Variants in SLC25A26 observed in about 807,000 individuals in gnomAD.
SLC25A26 encodes solute carrier family 25 member 26, also known as mitochondrial S-adenosylmethionine carrier protein.
In SLC25A26, 36 loss-of-function variants were observed where a neutral mutation model predicts 37.8. The ratio of observed to expected loss-of-function variants is 0.95; its 90% CI spans 0.73 to 1.26. SLC25A26 has a LOEUF of 1.26. SLC25A26 is among the 50% of genes most tolerant of loss of function. The pLI is 0.00. For missense variants in SLC25A26, 390 were observed against 331.1 expected, an observed-to-expected ratio of 1.18 and a Z score of -1.38; for synonymous variants, 129 against 122.5, an observed-to-expected ratio of 1.05 and a Z score of -0.35.
intron 1 of SLC25A26, among the ~76,000 whole-genome samples, chr3:66,146,686 T>A (rs948260021): frequency 6.6e-6 from 1 of 152,180 alleles, no homozygotes; most frequent in East Asian, 1.9e-4. Flanking sequence ...CATTCAGGAT[T>A]TTTTTAAAAA....
At chr3:66,195,115 C>A (rs2071022981) in intron 1 of SLC25A26, among the ~76,000 whole-genome samples, 1 of 152,196 alleles carries the variant, frequency 6.6e-6, no homozygotes, top group African/African-American at 2.4e-5. Flanking sequence ...TGGCATAAGT[C>A]ACCTTCCCAC....
rs1273193545 is a variant in SLC25A26, at chr3:66,204,469, AAAG to A, written c.-353-16270_-353-16268del. ...AAAAGAAAAAAGAAAGAAAAAGAAA[AAAG>A]AAAATAATGAGAATGGCTATTTGAT... is the stretch of plus-strand genomic sequence containing the variant. On this transcript the variant is annotated intron_variant, in intron 1 of 10. Coordinates refer to the SLC25A26 transcript ENST00000676754. Among the ~76,000 whole-genome samples, 8 of 151,814 alleles carry A rather than the reference AAAG, an allele frequency of 5.3e-5. No individual in the cohort carries two copies. In the East Asian group the frequency reaches 9.6e-4, roughly 18 times the overall value.
intron 1 of SLC25A26, among the ~76,000 whole-genome samples, chr3:66,222,127 T>C (rs1444885927): frequency 6.6e-6 from 1 of 152,084 alleles, no homozygotes; most frequent in Non-Finnish European, 1.5e-5. Flanking sequence ...TAAATCTAGA[T>C]TTGTTGAAAC....
chr3:66,185,040 T>C (rs1053273624), intron 1 of SLC25A26, among the ~76,000 whole-genome samples: 1 of 152,226 alleles, frequency 6.6e-6, no homozygotes, highest in African/African-American at 2.4e-5. Context: ...ACATTCACGT[T>C]GTTGTGCAAC....
chr3:66,277,346 CAG>C (rs2074188227), intron 5 of SLC25A26, among the ~76,000 whole-genome samples: 1 of 151,858 alleles, frequency 6.6e-6, no homozygotes, highest in Non-Finnish European at 1.5e-5. Context: ...AGTGTCATAA[CAG>C]AAAGACAAAT....
chr3:66,297,635 C>T (rs1408800807), intron 5 of SLC25A26, among the ~76,000 whole-genome samples: 1 of 152,144 alleles, frequency 6.6e-6, no homozygotes, highest in Non-Finnish European at 1.5e-5. Flanking sequence ...GACCTGTGGG[C>T]CTAATCCAGA....
chr3:66,182,691 A>C (rs1258861997), intron 1 of SLC25A26, among the ~76,000 whole-genome samples: 1 of 110,762 alleles, frequency 9.0e-6, no homozygotes, highest in Non-Finnish European at 1.7e-5. Context: ...TGAGCCCAGC[A>C]TCGGCCTCAA....
At chr3:66,213,013 T>G (rs2071306559) in intron 1 of SLC25A26, among the ~76,000 whole-genome samples, 1 of 152,196 alleles carries the variant, frequency 6.6e-6, no homozygotes, top group Non-Finnish European at 1.5e-5. Flanking sequence ...CCTTTCCTTC[T>G]TTCCTTCTAT....
chr3:66,280,841 C>T (rs1287162809), intron 5 of SLC25A26, among the ~76,000 whole-genome samples: 2 of 152,070 alleles, frequency 1.3e-5, no homozygotes, highest in African/African-American at 4.8e-5. Context: ...GACAATTTGA[C>T]ACTTATCATT....
At chr3:66,164,909 G>A (rs1395396698) in intron 1 of SLC25A26, among the ~76,000 whole-genome samples, 1 of 152,170 alleles carries the variant, frequency 6.6e-6, no homozygotes, top group Non-Finnish European at 1.5e-5. Flanking sequence ...AGTGGGACAA[G>A]TGCGATGACA....
chr3:66,231,763 A>ATTTTT (rs377239684), intron 1 of SLC25A26, among the ~76,000 whole-genome samples: 1 of 137,910 alleles, frequency 7.3e-6, no homozygotes. Flanking sequence ...GGTTTACCTC[A>ATTTTT]TTTTTTTTTT....
At chr3:66,258,276 G>C (rs1264829176) in intron 3 of SLC25A26, among the ~76,000 whole-genome samples, 1 of 152,134 alleles carries the variant, frequency 6.6e-6, no homozygotes, top group Non-Finnish European at 1.5e-5. Flanking sequence ...TGTGTGATAG[G>C]GTGGTGCTGG....
intron 5 of SLC25A26, among the ~76,000 whole-genome samples, chr3:66,329,991 T>A (rs2107675867): frequency 6.6e-6 from 1 of 152,310 alleles, no homozygotes; most frequent in Admixed American, 6.5e-5. Context: ...ACAGAGAACC[T>A]CCTATGTGCC....
At chr3:66,161,204 T>A (rs2070353777) in intron 1 of SLC25A26, among the ~76,000 whole-genome samples, 1 of 152,188 alleles carries the variant, frequency 6.6e-6, no homozygotes, top group Non-Finnish European at 1.5e-5. Flanking sequence ...GACTTGTTTC[T>A]TGAAACTGTC....
Position 66,377,869 on chromosome 3 carries a change from C to A in SLC25A26, c.*62C>A. ...AGGGGCCTGCAGTGCAAACCCTCTTCCGCTGAGCAGCTGTCTGAACTATAG... is the reference window on the plus strand; with the variant it reads ...AGGGGCCTGCAGTGCAAACCCTCTTACGCTGAGCAGCTGTCTGAACTATAG... On this transcript the variant is annotated 3_prime_UTR_variant, in exon 10 of 10. Transcript: ENST00000354883. 2 of 1,236,342 alleles carry A rather than the reference C, an allele frequency of 1.6e-6. No individual in the cohort carries two copies. Among genetic ancestry groups the A allele is most frequent in the South Asian group, 1.2e-5 (1 of 82,814 alleles). The allele number at this position is 1,236,342 out of a possible 1,614,324, so 76.6% of individuals were successfully genotyped here.
chr3:66,331,547 T>C (rs1361561493), intron 5 of SLC25A26, among the ~76,000 whole-genome samples: 1 of 152,230 alleles, frequency 6.6e-6, no homozygotes, highest in Non-Finnish European at 1.5e-5. Flanking sequence ...TTTAATGGAA[T>C]AATTTACTTT....
At chr3:66,373,499 T>G (rs1700465413) in intron 9 of SLC25A26, among the ~76,000 whole-genome samples, 1 of 152,066 alleles carries the variant, frequency 6.6e-6, no homozygotes, top group South Asian at 2.1e-4. Flanking sequence ...GTAGTAAAGG[T>G]GGGAGAACTT....
At chr3:66,270,161 C>A (rs539646257) in intron 5 of SLC25A26, among the ~76,000 whole-genome samples, 19 of 152,176 alleles carry the variant, frequency 1.2e-4, no homozygotes, top group African/African-American at 4.3e-4. Flanking sequence ...TGATGAAATA[C>A]CAAAGCGTAT....
chr3:66,277,556 G>A (rs1173110863), intron 5 of SLC25A26, among the ~76,000 whole-genome samples: 1 of 151,852 alleles, frequency 6.6e-6, no homozygotes, highest in Non-Finnish European at 1.5e-5. Context: ...TTTGATTGTG[G>A]TAATCATTAC....
Sources: allele counts gnomAD v4.1 joint callset (sites outside exome capture counted in the v4.1 genomes callset), GRCh38; gene constraint gnomAD v4.1.1; transcripts MANE v1.5; gene names NCBI Gene and HGNC (gene_info 2026-07-23, HGNC 2026-07-21).